Variants in NKAIN2 observed in about 807,000 individuals in gnomAD.
The protein encoded by NKAIN2 is sodium/potassium-transporting ATPase subunit beta-1-interacting protein 2.
Under a neutral mutation model 32.6 loss-of-function variants are expected in NKAIN2, and 14 were observed. The ratio of observed to expected loss-of-function variants is 0.43; its 90% CI spans 0.28 to 0.67. The LOEUF (loss-of-function observed/expected upper bound fraction) is 0.67. Among genes scored for constraint, NKAIN2 ranks in the 30% least tolerant of loss-of-function variants. The probability of loss-of-function intolerance (pLI) is 0.17; values close to 1 mark genes in which losing one functional copy is unlikely to be tolerated. For synonymous variants in NKAIN2, 80 were observed against 87.2 expected, an observed-to-expected ratio of 0.92 and a Z score of 0.46; for missense variants, 198 against 258.3, an observed-to-expected ratio of 0.77 and a Z score of 1.60.
intron 3 of NKAIN2, among the ~76,000 whole-genome samples, chr6:124,530,537 C>A (rs534565481): frequency 6.6e-6 from 1 of 152,144 alleles, no homozygotes; most frequent in Admixed American, 6.5e-5. Flanking sequence ...CATAAATGGA[C>A]CCAAATCATT....
At chr6:123,942,796 C>G (rs995062527) in intron 1 of NKAIN2, among the ~76,000 whole-genome samples, 3 of 152,092 alleles carry the variant, frequency 2.0e-5, no homozygotes, top group African/African-American at 7.2e-5. Flanking sequence ...ATTAACAAAC[C>G]TTATCAATAG....
chr6:123,845,349 A>G (rs753776510), intron 1 of NKAIN2, among the ~76,000 whole-genome samples: 8 of 152,242 alleles, frequency 5.3e-5, no homozygotes, highest in Non-Finnish European at 8.8e-5. Context: ...TAACTTTCAA[A>G]CATTTCATAG....
At chr6:124,347,045 C>T (rs10872280) in intron 2 of NKAIN2, among the ~76,000 whole-genome samples, 21,902 of 151,540 alleles carry the variant, frequency 0.14, 1,861 homozygotes, top group Admixed American at 0.26. Context: ...GACAAAATCT[C>T]TCAGCATTTG....
intron 3 of NKAIN2, among the ~76,000 whole-genome samples, chr6:124,399,052 G>C (rs1052706086): frequency 1.3e-5 from 2 of 151,912 alleles, no homozygotes; most frequent in Non-Finnish European, 2.9e-5. Flanking sequence ...TCATTATCCT[G>C]AGTAGCTGGG....
intron 3 of NKAIN2, among the ~76,000 whole-genome samples, chr6:124,499,115 C>A (rs898110210): frequency 2.0e-5 from 3 of 152,092 alleles, no homozygotes; most frequent in Non-Finnish European, 2.9e-5. Flanking sequence ...TTAATCCAAT[C>A]TCTTCATGTA....
Position 124,235,460 on chromosome 6 carries a change from G to A in NKAIN2, c.55-47545G>A, listed in dbSNP as rs535731124. Among the ~76,000 whole-genome samples, 9 of 152,202 alleles carry A rather than the reference G, an allele frequency of 5.9e-5. No individual in the cohort carries two copies. The South Asian group carries it at 1.7e-3, about 28-fold the overall frequency. The stretch of plus-strand genomic sequence containing the variant: ...TTGGTGGTATTCATTATGAAAGTAA[G>A]ATTATAATACTAATAAGGAACATAA... On this transcript the variant is annotated intron_variant, in intron 1 of 6. Coordinates refer to ENST00000368417, the MANE Select transcript of NKAIN2 (RefSeq NM_001040214.3).
At chr6:124,723,155 C>T (rs796993943) in intron 4 of NKAIN2, among the ~76,000 whole-genome samples, 23 of 152,200 alleles carry the variant, frequency 1.5e-4, no homozygotes, top group African/African-American at 5.3e-4. Flanking sequence ...CCATATAGAA[C>T]AGAATAGTTG....
chr6:124,369,898 T>TTTTTTTTTTA (rs1554196328), intron 3 of NKAIN2, among the ~76,000 whole-genome samples: 32 of 148,672 alleles, frequency 2.2e-4, no homozygotes, highest in African/African-American at 8.0e-4. Flanking sequence ...TTTTTTTTTT[T>TTTTTTTTTTA]AACCTGTGGA....
intron 4 of NKAIN2, among the ~76,000 whole-genome samples, chr6:124,759,588 AACACACACACACACACACAC>A (rs542448143): frequency 0.027 from 2,287 of 84,522 alleles, 76 homozygotes; most frequent in African/African-American, 0.05. Flanking sequence ...CTGAAATTGC[AACACACACACACACACACAC>A]ACACACACAC....
chr6:124,513,003 G>A (rs1778773595), intron 3 of NKAIN2, among the ~76,000 whole-genome samples: 2 of 152,014 alleles, frequency 1.3e-5, no homozygotes, highest in South Asian at 2.1e-4. Context: ...CAAAATGACA[G>A]GTGTTTTTCC....
At chr6:124,148,015 C>T (rs973528519) in intron 1 of NKAIN2, among the ~76,000 whole-genome samples, 1 of 152,080 alleles carries the variant, frequency 6.6e-6, no homozygotes, top group Admixed American at 6.6e-5. Context: ...TTAGTTAATA[C>T]ATTATTTGAT....
At chr6:124,449,629 T>G (rs1776022184) in intron 3 of NKAIN2, among the ~76,000 whole-genome samples, 1 of 152,038 alleles carries the variant, frequency 6.6e-6, no homozygotes, top group African/African-American at 2.4e-5. Flanking sequence ...TCCTTCAGTT[T>G]GAAGACAATT....
chr6:124,171,864 T>A (rs1057494864), intron 1 of NKAIN2, among the ~76,000 whole-genome samples: 16 of 148,220 alleles, frequency 1.1e-4, no homozygotes, highest in South Asian at 2.2e-4. Flanking sequence ...TTTTTTTTTT[T>A]GAGAGAGAGT....
chr6:124,420,682 C>T (rs1164315133), intron 3 of NKAIN2, among the ~76,000 whole-genome samples: 1 of 152,074 alleles, frequency 6.6e-6, no homozygotes, highest in Admixed American at 6.6e-5. Flanking sequence ...GATTGGCCAA[C>T]TGTTGCTAAT....
intron 3 of NKAIN2, among the ~76,000 whole-genome samples, chr6:124,375,549 A>G (rs868257549): frequency 6.6e-6 from 1 of 151,582 alleles, no homozygotes; most frequent in African/African-American, 2.4e-5. Flanking sequence ...ACTTTTGCTC[A>G]CCCAGAAAGT....
chr6:124,269,669 T>C (rs1290973922), intron 1 of NKAIN2, among the ~76,000 whole-genome samples: 1 of 152,012 alleles, frequency 6.6e-6, no homozygotes, highest in Admixed American at 6.5e-5. Context: ...GGTTTCACCA[T>C]GTTGGCCAGG....
chr6:124,424,321 A>G (rs1774887000), intron 3 of NKAIN2, among the ~76,000 whole-genome samples: 1 of 152,214 alleles, frequency 6.6e-6, no homozygotes, highest in Non-Finnish European at 1.5e-5. Flanking sequence ...ATACACATAT[A>G]CAATGAACTG....
At chr6:124,474,371 T>C (rs2114680901) in intron 3 of NKAIN2, among the ~76,000 whole-genome samples, 1 of 152,210 alleles carries the variant, frequency 6.6e-6, no homozygotes, top group South Asian at 2.1e-4. Context: ...TGAGTTTGCT[T>C]CTGTTGGGAT....
At chr6:124,105,634 G>T (rs1048524256) in intron 1 of NKAIN2, among the ~76,000 whole-genome samples, 10 of 152,150 alleles carry the variant, frequency 6.6e-5, no homozygotes, top group Admixed American at 6.5e-4. Flanking sequence ...ATGGATTTAA[G>T]GGGCTCATAG....
Sources: allele counts gnomAD v4.1 joint callset (sites outside exome capture counted in the v4.1 genomes callset), GRCh38; gene constraint gnomAD v4.1.1; transcripts MANE v1.5; gene names NCBI Gene and HGNC (gene_info 2026-07-23, HGNC 2026-07-21).